Variants in NDNF observed in about 807,000 individuals in gnomAD.
The protein encoded by NDNF is neuron derived neurotrophic factor, also known as protein NDNF.
In NDNF, 16 loss-of-function variants were observed where a neutral mutation model predicts 42.0. The observed-to-expected ratio is 0.38, with a 90% CI of 0.26 to 0.58. The LOEUF is 0.58. NDNF is among the 20% of genes least tolerant of loss of function. NDNF has a pLI of 0.67. For missense variants in NDNF, 616 were observed against 666.2 expected, an observed-to-expected ratio of 0.92 and a Z score of 0.83; for synonymous variants, 248 against 251.7, an observed-to-expected ratio of 0.99 and a Z score of 0.14.
intron 1 of NDNF, among the ~76,000 whole-genome samples, chr4:121,052,282 A>G (rs1727211677): frequency 6.6e-6 from 1 of 152,230 alleles, no homozygotes; most frequent in South Asian, 2.1e-4. Flanking sequence ...AAAATTATCT[A>G]ATGTGCCTGA....
intron 1 of NDNF, among the ~76,000 whole-genome samples, chr4:121,066,899 T>C (rs1461590435): frequency 1.3e-5 from 2 of 152,244 alleles, no homozygotes; most frequent in African/African-American, 2.4e-5. Flanking sequence ...AGAGGGTGTT[T>C]ACCTTGATTT....
chr4:121,070,547 G>C (rs1462912279), intron 1 of NDNF, among the ~76,000 whole-genome samples: 2 of 152,098 alleles, frequency 1.3e-5, no homozygotes, highest in Admixed American at 6.5e-5. Flanking sequence ...AAAGAAAAAG[G>C]GTTCAGGAAG....
rs749842184 is a variant in NDNF, at chr4:121,045,834, C to A, written c.4G>T (p.Val2Leu). 5 of 1,613,528 alleles carry A rather than the reference C, an allele frequency of 3.1e-6. No individual in the cohort carries two copies. Among genetic ancestry groups the A allele is most frequent in the Non-Finnish European group, 4.2e-6 (5 of 1,179,808 alleles). Residue 2 changes from valine to leucine, a missense_variant, in exon 2 of 4, where the codon GTG (valine) becomes TTG (leucine). Transcript: ENST00000379692. M[V>L]LLHWCLLWLL... ...CACAGCAGGCACCAGTGGAGCAGCA[C>A]CATCCTGAGGCAACAGAAATGACTA...
intron 1 of NDNF, among the ~76,000 whole-genome samples, chr4:121,059,259 T>C (rs1178803752): frequency 6.6e-6 from 1 of 152,200 alleles, no homozygotes; most frequent in East Asian, 1.9e-4. Flanking sequence ...AACTGATAGA[T>C]AGTATTGACC....
chr4:121,058,020 G>C (rs1226494864), intron 1 of NDNF, among the ~76,000 whole-genome samples: 3 of 152,216 alleles, frequency 2.0e-5, no homozygotes, highest in Middle Eastern at 3.4e-3. Context: ...TTGAATTATA[G>C]TTATTTTTTT....
chr4:121,042,769 A>C (rs1284132697), intron 2 of NDNF, among the ~76,000 whole-genome samples: 3 of 152,178 alleles, frequency 2.0e-5, no homozygotes, highest in Admixed American at 6.5e-5. Flanking sequence ...TTTAGGTTTT[A>C]TGTGAATAAC....
intron 2 of NDNF, among the ~76,000 whole-genome samples, chr4:121,042,509 A>C (rs1215068150): frequency 6.6e-6 from 1 of 152,216 alleles, no homozygotes; most frequent in African/African-American, 2.4e-5. Context: ...TAGACAAAAT[A>C]GATGATTGAA....
Position 121,037,646 on chromosome 4 carries a change from G to A in NDNF, c.325C>T (p.Pro109Ser). The change falls in exon 4 of 4, where the codon CCT (proline) becomes TCT (serine). Residue 109 changes from proline to serine, a missense_variant. Coordinates refer to ENST00000379692, the MANE Select transcript of NDNF (RefSeq NM_024574.4). The stretch of plus-strand genomic sequence containing the variant: ...ATCTGCTGCTTCTGCTGCTCAAGAG[G>A]TTCCAGATCACCTAGAAAATACAGG... ...RSGEGSGDLE[P>S]LEQQKQQIIN... 6.3e-7 allele frequency: 1 copy of A among 1,575,678 alleles called. No individual in the cohort carries two copies.
At chr4:121,040,844 T>G (rs921738298) in intron 2 of NDNF, among the ~76,000 whole-genome samples, 2 of 152,176 alleles carry the variant, frequency 1.3e-5, no homozygotes, top group African/African-American at 4.8e-5. Flanking sequence ...GGGGTCTCAC[T>G]GTGGTGCTCT....
At position 121,054,871 on chromosome 4, in the gene NDNF, C is replaced by T. The variant is rs555195848; in HGVS notation, c.-1-9033G>A. ...TTGAGACAGGGTCTTGCTCTGTTGCCAAGGCTGGAGTGCAGTGGTGCAATC... is the reference window on the plus strand; with the variant it reads ...TTGAGACAGGGTCTTGCTCTGTTGCTAAGGCTGGAGTGCAGTGGTGCAATC... On this transcript the variant is annotated intron_variant, in intron 1 of 3. Coordinates refer to ENST00000379692, the MANE Select transcript of NDNF (RefSeq NM_024574.4). Among the ~76,000 whole-genome samples the T allele has an allele frequency of 1.2e-4, 19 of 152,292 alleles. 1 individual carries two copies. The highest frequency in any genetic ancestry group is 3.6e-4 in the African/African-American group (15 of 41,552).
intron 1 of NDNF, among the ~76,000 whole-genome samples, chr4:121,064,982 G>T (rs2390070): frequency 0.86 from 130,456 of 152,104 alleles, 56,103 homozygotes; most frequent in Non-Finnish European, 0.88. Flanking sequence ...TGGACCGCAG[G>T]GGCTATTCAC....
chr4:121,071,250 T>A (rs1235190060), intron 1 of NDNF, among the ~76,000 whole-genome samples: 1 of 151,992 alleles, frequency 6.6e-6, no homozygotes, highest in Admixed American at 6.5e-5. Flanking sequence ...GGGCGTCACC[T>A]CGGTGGCCGC....
chr4:121,045,134 C>A (rs1018545098), intron 2 of NDNF, among the ~76,000 whole-genome samples: 1 of 152,200 alleles, frequency 6.6e-6, no homozygotes, highest in African/African-American at 2.4e-5. Context: ...GGGCGGATCA[C>A]GAGGTCAGGA....
At chr4:121,057,544 A>G (rs1727317688) in intron 1 of NDNF, among the ~76,000 whole-genome samples, 1 of 152,160 alleles carries the variant, frequency 6.6e-6, no homozygotes, top group Non-Finnish European at 1.5e-5. Flanking sequence ...CCAGTGTTAA[A>G]TCCAGGGAGG....
chr4:121,036,689 C>T lies in NDNF; in HGVS notation c.1282G>A (p.Ala428Thr), dbSNP rs1182488275. The change falls in exon 4 of 4, where the codon GCA becomes ACA. Residue 428 changes from alanine to threonine, a missense_variant. Ala to Thr is a moderately conservative substitution (Grantham distance 58). Coordinates refer to ENST00000379692, the MANE Select transcript of NDNF (RefSeq NM_024574.4). Reference protein sequence around the residue: ...LVRLKGNKKGASMLKILATTR... With the variant: ...LVRLKGNKKGTSMLKILATTR... ...GTAGCTAGAATTTTCAACATAGATG[C>T]TCCTTTCTTGTTTCCTTTCAGTCGA... The T allele has an allele frequency of 5.0e-6, 8 of 1,614,012 alleles. No individual in the cohort carries two copies. Among genetic ancestry groups the T allele is most frequent in the African/African-American group, 1.3e-5 (1 of 74,902 alleles).
chr4:121,057,537 G>T (rs529750479), intron 1 of NDNF, among the ~76,000 whole-genome samples: 2 of 152,178 alleles, frequency 1.3e-5, no homozygotes, highest in Non-Finnish European at 2.9e-5. Context: ...TAACTGGCCA[G>T]TGTTAAATCC....
chr4:121,065,484 A>C lies in NDNF; in HGVS notation c.-2+6509T>G, dbSNP rs568528297. 2.0e-5 allele frequency among the ~76,000 whole-genome samples: 3 copies of C among 152,218 alleles called. No individual in the cohort carries two copies. In the South Asian group the frequency reaches 6.2e-4, roughly 32 times the overall value. On this transcript the variant is annotated intron_variant, in intron 1 of 3. Coordinates refer to ENST00000379692, the MANE Select transcript of NDNF (RefSeq NM_024574.4). ...TTGTATCCTCCACTTTACTGTAATT[A>C]AAAGACAAGCTTTTAAATGCAAATA...
At chr4:121,057,319 G>C (rs1727313741) in intron 1 of NDNF, among the ~76,000 whole-genome samples, 1 of 152,170 alleles carries the variant, frequency 6.6e-6, no homozygotes, top group Admixed American at 6.5e-5. Flanking sequence ...TGGGATTTTG[G>C]AACCAGAAGG....
intron 1 of NDNF, among the ~76,000 whole-genome samples, chr4:121,060,327 C>T (rs571318749): frequency 3.9e-5 from 6 of 152,074 alleles, no homozygotes; most frequent in South Asian, 4.2e-4. Context: ...ACTACAGGCA[C>T]GTGTCACCAT....
Sources: gnomAD v4.1 joint callset for allele counts (sites outside exome capture counted in the v4.1 genomes callset) on GRCh38, gnomAD v4.1.1 for gene constraint, MANE v1.5 for transcripts, NCBI Gene and HGNC (gene_info 2026-07-23, HGNC 2026-07-21) for gene names.